The following PAFAH1B3 variants were observed in gnomAD, a reference collection of about 807,000 sequenced individuals.
PAFAH1B3 encodes the protein platelet-activating factor acetylhydrolase IB subunit alpha1.
In PAFAH1B3, 15 loss-of-function variants were observed where a neutral mutation model predicts 24.4. That is an observed-to-expected ratio of 0.62 (90% CI 0.41 to 0.95). The LOEUF (loss-of-function observed/expected upper bound fraction) is 0.95, where lower values mean the gene tolerates loss of function less well. Ranked by LOEUF, PAFAH1B3 falls within the 40% of genes least tolerant of loss-of-function variation. The pLI is 0.00. For missense variants in PAFAH1B3, 266 were observed against 312.2 expected, an observed-to-expected ratio of 0.85 and a Z score of 1.12; for synonymous variants, 144 against 126.5, an observed-to-expected ratio of 1.14 and a Z score of -0.93.
intron 4 of PAFAH1B3, among the ~76,000 whole-genome samples, chr19:42,298,200 A>G (rs1297674870): frequency 6.6e-6 from 1 of 150,992 alleles, no homozygotes; most frequent in African/African-American, 2.4e-5. Context: ...CTGTCTCAAA[A>G]AATAAATAGG....
Position 42,302,272 on chromosome 19 carries a change from G to C in PAFAH1B3, c.38C>G (p.Pro13Arg). 6 of 1,607,288 alleles carry C rather than the reference G, an allele frequency of 3.7e-6. No homozygotes were observed. The highest frequency in any genetic ancestry group is 5.1e-6 in the Non-Finnish European group (6 of 1,177,468). ...CCCGTCGCCCTGTACGTCCTGCACC[G>C]GCGTGGGCTTGCTGGCTGGGTTCTC... ...GEENPASKPT[P>R]VQDVQGDGRW... The change falls in exon 1 of 5, where the codon CCG (proline) becomes CGG (arginine). Residue 13 changes from proline to arginine, a missense_variant. Transcript: ENST00000262890.
rs546466512 is a variant in PAFAH1B3 at position 42,297,574 on chromosome 19, T to C, written c.409-209A>G. On this transcript the variant is annotated intron_variant, in intron 4 of 4. Coordinates refer to ENST00000262890, the MANE Select transcript of PAFAH1B3 (RefSeq NM_002573.4). ...TTCTGGGTTTTACCCTCTTTCGTTT[T>C]CTTTTTTTTTTTTTTTTGAGACAGA... Among the ~76,000 whole-genome samples the C allele has an allele frequency of 8.6e-5, 13 of 150,590 alleles. No homozygotes were observed. The East Asian group carries it at 2.6e-3, about 30-fold the overall frequency.
At chr19:42,299,783 G>C in intron 4 of PAFAH1B3, 187 bp downstream of exon 4, 3 of 771,538 alleles carry the variant, frequency 3.9e-6, no homozygotes, top group South Asian at 3.5e-5. Flanking sequence ...GGCAAAAAAG[G>C]CTAATTGGTC....
Position 42,302,215 on chromosome 19 carries a change from C to G in PAFAH1B3, c.78+17G>C. 2 of 1,580,126 alleles carry G rather than the reference C, an allele frequency of 1.3e-6. No individual in the cohort carries two copies. The highest frequency in any genetic ancestry group is 1.7e-6 in the Non-Finnish European group (2 of 1,162,892). The stretch of plus-strand genomic sequence containing the variant: ...CGCGCCCCCGGACTCCTCAATATCC[C>G]AGGTGGGAACGCTCACCAGGGACAT... On this transcript the variant is annotated intron_variant, in intron 1 of 4. Coordinates refer to ENST00000262890, the MANE Select transcript of PAFAH1B3 (RefSeq NM_002573.4).
At chr19:42,300,404 C>CCATA in intron 2 of PAFAH1B3, 117 bp from the exon 3 acceptor site, 1 of 857,808 alleles carries the variant, frequency 1.2e-6, no homozygotes, top group African/African-American at 1.7e-5. Context: ...AACCTTACTT[C>CCATA]ATGGAAGCAG....
At chr19:42,299,136 GAC>G (rs2038579979) in intron 4 of PAFAH1B3, among the ~76,000 whole-genome samples, 1 of 133,238 alleles carries the variant, frequency 7.5e-6, no homozygotes, top group South Asian at 2.5e-4. Flanking sequence ...TTTTTTTTGA[GAC>G]AGAGTTTCGC....
intron 2 of PAFAH1B3, among the ~76,000 whole-genome samples, chr19:42,301,689 G>A (rs1188869733): frequency 6.6e-6 from 1 of 152,156 alleles, no homozygotes; most frequent in African/African-American, 2.4e-5. Flanking sequence ...ACAAGAAAGA[G>A]CCTCACTTTA....
intron 2 of PAFAH1B3, among the ~76,000 whole-genome samples, chr19:42,301,353 T>C (rs905364930): frequency 1.3e-5 from 2 of 152,070 alleles, no homozygotes; most frequent in Non-Finnish European, 2.9e-5. Flanking sequence ...ACAGAGATCA[T>C]ACCACTGCAC....
At chr19:42,300,397 C>CTTACT (rs1335978146) in intron 2 of PAFAH1B3, 110 bp from the exon 3 acceptor site, 2 of 916,324 alleles carry the variant, frequency 2.2e-6, no homozygotes, top group African/African-American at 3.3e-5. Context: ...ATGGAAGAAC[C>CTTACT]TTACTTCATG....
At position 42,300,285 on chromosome 19, in the gene PAFAH1B3, G is replaced by T. The variant is rs775400976; in HGVS notation, c.171C>A (p.Ile57=). 8.7e-6 allele frequency: 14 copies of T among 1,613,918 alleles called. No homozygotes were observed. In the East Asian group the frequency reaches 2.9e-4, roughly 33 times the overall value. ...GCAGAGGAGAGAAGAGCTCGCGCCA[G>T]ATCTGTGGGCAAGAAGTGGTGTGGG... ...SLVQLMHQCE[I]WRELFSPLHA... is the part of the protein sequence containing the mutation. Residue 57 remains isoleucine, a splice_region_variant and synonymous_variant, in exon 3 of 5, where the codon ATC becomes ATA. Transcript: ENST00000262890.
chr19:42,301,105 A>G (rs567911714), intron 2 of PAFAH1B3, among the ~76,000 whole-genome samples: 5 of 152,294 alleles, frequency 3.3e-5, no homozygotes, highest in African/African-American at 7.2e-5. Flanking sequence ...GTAAGCCACC[A>G]CACCCTGCCT....
At chr19:42,300,386 T>C in intron 2 of PAFAH1B3, 99 bp from the exon 3 acceptor site, 2 of 1,011,346 alleles carry the variant, frequency 2.0e-6, no homozygotes, top group Non-Finnish European at 3.1e-6. Context: ...CAAATGCCAT[T>C]ATGGAAGAAC....
At chr19:42,298,658 T>C (rs1232075590) in intron 4 of PAFAH1B3, among the ~76,000 whole-genome samples, 1 of 152,172 alleles carries the variant, frequency 6.6e-6, no homozygotes, top group Non-Finnish European at 1.5e-5. Flanking sequence ...GGTTTTTCTT[T>C]TGTTTTCTGG....
At position 42,297,222 on chromosome 19, in the gene PAFAH1B3, G is replaced by A. The variant is rs145086603; in HGVS notation, c.552C>T (p.Thr184=). 4 of 1,613,976 alleles carry A rather than the reference G, an allele frequency of 2.5e-6. No individual in the cohort carries two copies. The African/African-American group carries it at 4.0e-5, about 16-fold the overall frequency. The change falls in exon 5 of 5, where the codon ACC becomes ACT. Residue 184 remains threonine, a synonymous_variant. Transcript: ENST00000262890. ...AATCATACATGTCATGATGGCTGAT[G>A]GTGCCATCTGAGTGCACAAAGCCAG... The part of the protein sequence containing the change: ...ADPGFVHSDG[T]ISHHDMYDYL...
In PAFAH1B3 at chr19:42,300,018, A is replaced by C; in HGVS notation, c.360T>G (p.Ile120Met). ...GCTGTCGCTCATTCACCAGTTGCAC[A>C]ATGGCCTTGATGCCACCAGTCACCT... ...AEQVTGGIKAIVQLVNERQPQ... is the reference protein window; with the variant it reads ...AEQVTGGIKAMVQLVNERQPQ... The change falls in exon 4 of 5, where the codon ATT becomes ATG. Residue 120 changes from isoleucine to methionine, a missense_variant. Coordinates refer to ENST00000262890, the MANE Select transcript of PAFAH1B3 (RefSeq NM_002573.4). The C allele has an allele frequency of 6.2e-7, 1 of 1,614,152 alleles. No homozygotes were observed. The highest frequency in any genetic ancestry group is 8.5e-7 in the Non-Finnish European group (1 of 1,180,014).
chr19:42,302,635 A>C, upstream of PAFAH1B3: 1 of 340,122 alleles, frequency 2.9e-6, no homozygotes, highest in Non-Finnish European at 5.5e-6. Flanking sequence ...AGGCGAGACC[A>C]TCCAGCTCCC....
Position 42,302,001 on chromosome 19 carries a change from G to C in PAFAH1B3, c.117C>G (p.Pro39=), listed in dbSNP as rs140520571. The change falls in exon 2 of 5, where the codon CCC becomes CCG. Residue 39 remains proline (P), a synonymous_variant. Coordinates refer to ENST00000262890, the MANE Select transcript of PAFAH1B3 (RefSeq NM_002573.4). ...AGGAGTCCCCGATGAAGACGACTTCGGGTTCCTTATCTTTGCTGTCAGCCA... is the reference window on the plus strand; with the variant it reads ...AGGAGTCCCCGATGAAGACGACTTCCGGTTCCTTATCTTTGCTGTCAGCCA... The part of the protein sequence containing the change: ...RFVADSKDKE[P]EVVFIGDSLV... 102 of 1,570,842 alleles carry C rather than the reference G, an allele frequency of 6.5e-5. No homozygotes were observed. In the African/African-American group the frequency reaches 1.0e-3, roughly 16 times the overall value.
intron 1 of PAFAH1B3, 74 bp from the exon 2 acceptor site, chr19:42,302,113 C>T (rs2038639972): frequency 4.0e-6 from 6 of 1,496,828 alleles, no homozygotes; most frequent in Non-Finnish European, 5.5e-6. Context: ...CCTTAGGCAG[C>T]GCCTCCTCAA....
At chr19:42,301,890 C>T (rs188560841) in intron 2 of PAFAH1B3, 60 bp downstream of exon 2, 7 of 1,390,124 alleles carry the variant, frequency 5.0e-6, no homozygotes, top group East Asian at 2.5e-5. Context: ...GGGTTCTGGT[C>T]CAGATGTGTC....
Sources: gnomAD v4.1 joint callset for allele counts (sites outside exome capture counted in the v4.1 genomes callset) on GRCh38, gnomAD v4.1.1 for gene constraint, MANE v1.5 for transcripts, NCBI Gene and HGNC (gene_info 2026-07-23, HGNC 2026-07-21) for gene names.